NAV2: variants seen among roughly 807,000 people sequenced by gnomAD.
NAV2 encodes the protein helicase, APC down-regulated 1.
A neutral mutation model predicts 223.2 loss-of-function variants in NAV2; 54 were observed. The observed-to-expected ratio is 0.24, with a 90% confidence interval of 0.19 to 0.30. The LOEUF (loss-of-function observed/expected upper bound fraction) is 0.30. NAV2 is among the 10% of genes least tolerant of loss of function. NAV2 has a pLI of 1.00. For synonymous variants in NAV2, 1,279 were observed against 1,239.3 expected (o/e 1.03, Z -0.67); for missense variants, 2,806 against 3,147.5 (o/e 0.89, Z 2.60).
At chr11:19,385,720 GTTTA>G (rs1849007675) in intron 1 of NAV2, among the ~76,000 whole-genome samples, 1 of 130,392 alleles carries the variant, frequency 7.7e-6, no homozygotes, top group African/African-American at 3.2e-5. Context: ...TCTGTAAACT[GTTTA>G]TTTCTCAACT....
chr11:19,740,698 T>C (rs2052725900), intron 1 of NAV2, among the ~76,000 whole-genome samples: 1 of 152,206 alleles, frequency 6.6e-6, no homozygotes, highest in Admixed American at 6.5e-5. Context: ...GGTAGCCCAG[T>C]CAGCAATAAT....
chr11:19,694,190 C>G (rs962895195), intron 1 of NAV2, among the ~76,000 whole-genome samples: 3 of 152,168 alleles, frequency 2.0e-5, no homozygotes, highest in Admixed American at 2.0e-4. Flanking sequence ...AGGACAGGGA[C>G]AGGGATACAG....
At chr11:19,701,798 C>T (rs773234041) in intron 1 of NAV2, among the ~76,000 whole-genome samples, 12 of 152,198 alleles carry the variant, frequency 7.9e-5, no homozygotes, top group Non-Finnish European at 1.3e-4. Context: ...TTTTTCCACC[C>T]GTGAAGCTCT....
intron 1 of NAV2, among the ~76,000 whole-genome samples, chr11:19,534,427 G>A (rs2044124294): frequency 6.6e-6 from 1 of 152,190 alleles, no homozygotes; most frequent in South Asian, 2.1e-4. Flanking sequence ...TCTGTGCTAG[G>A]AGCTGAGTTG....
At chr11:19,861,484 T>A in intron 3 of NAV2, among the ~76,000 whole-genome samples, 1 of 152,190 alleles carries the variant, frequency 6.6e-6, no homozygotes, top group East Asian at 1.9e-4. Flanking sequence ...AAACTACCGG[T>A]TGTTGGGCAC....
chr11:20,109,237 C>G (rs1343920893), intron 36 of NAV2, among the ~76,000 whole-genome samples: 8 of 152,220 alleles, frequency 5.3e-5, no homozygotes, highest in Non-Finnish European at 8.8e-5. Context: ...TTTCACTAAA[C>G]TGGAGCATAC....
intron 6 of NAV2, among the ~76,000 whole-genome samples, chr11:19,930,171 A>C (rs1427743424): frequency 6.7e-6 from 1 of 149,890 alleles, no homozygotes; most frequent in Admixed American, 6.6e-5. Context: ...GTGAAGCACA[A>C]CAGTAGGGGA....
At chr11:19,963,876 G>C (rs17613275) in intron 10 of NAV2, among the ~76,000 whole-genome samples, 1 of 152,118 alleles carries the variant, frequency 6.6e-6, no homozygotes, top group African/African-American at 2.4e-5. Flanking sequence ...GTGATTTACC[G>C]AAGCGCCTTA....
At chr11:19,811,306 G>T (rs934215034) in intron 1 of NAV2, among the ~76,000 whole-genome samples, 4 of 152,132 alleles carry the variant, frequency 2.6e-5, no homozygotes, top group African/African-American at 9.7e-5. Context: ...GGCCAAGGAG[G>T]AGGTCAGAGG....
At chr11:20,069,154 G>C (rs1025897179) in intron 22 of NAV2, among the ~76,000 whole-genome samples, 1 of 152,100 alleles carries the variant, frequency 6.6e-6, no homozygotes, top group African/African-American at 2.4e-5. Flanking sequence ...GGACTTCCTG[G>C]AGGAGGTGAC....
At chr11:19,948,192 T>C (rs1283692887) in intron 9 of NAV2, among the ~76,000 whole-genome samples, 1 of 152,120 alleles carries the variant, frequency 6.6e-6, no homozygotes, top group African/African-American at 2.4e-5. Context: ...TTCAAGCGAT[T>C]CTCCTGCCTC....
intron 1 of NAV2, among the ~76,000 whole-genome samples, chr11:19,579,106 G>A (rs945859313): frequency 3.9e-5 from 6 of 152,186 alleles, no homozygotes; most frequent in Admixed American, 1.3e-4. Flanking sequence ...GTACGTAGGT[G>A]GGTAAGCTCA....
intron 1 of NAV2, among the ~76,000 whole-genome samples, chr11:19,772,610 C>T (rs2055803967): frequency 6.6e-6 from 1 of 152,218 alleles, no homozygotes; most frequent in African/African-American, 2.4e-5. Flanking sequence ...TGGGCTCCCT[C>T]TGACAAGCTA....
intron 1 of NAV2, among the ~76,000 whole-genome samples, chr11:19,774,601 G>T (rs1168919314): frequency 6.6e-6 from 1 of 152,098 alleles, no homozygotes; most frequent in Non-Finnish European, 1.5e-5. Context: ...GCATGGTAGG[G>T]ACACACACAT....
chr11:19,681,760 T>C (rs1040489097), intron 1 of NAV2, among the ~76,000 whole-genome samples: 32 of 152,290 alleles, frequency 2.1e-4, no homozygotes, highest in African/African-American at 7.5e-4. Flanking sequence ...CAATGCATAG[T>C]AAGCATGTCC....
At chr11:19,877,109 C>A (rs2062887465) in intron 4 of NAV2, among the ~76,000 whole-genome samples, 1 of 151,978 alleles carries the variant, frequency 6.6e-6, no homozygotes, top group East Asian at 1.9e-4. Flanking sequence ...AACCTAGATT[C>A]AAATCCCAGC....
At chr11:19,849,542 A>G (rs1215518670) in intron 3 of NAV2, among the ~76,000 whole-genome samples, 2 of 152,204 alleles carry the variant, frequency 1.3e-5, no homozygotes, top group Admixed American at 6.5e-5. Context: ...CTCCTGGGCC[A>G]GGAAAAGGCC....
intron 1 of NAV2, chr11:19,351,087 A>T: frequency 6.2e-6 from 9 of 1,458,924 alleles, no homozygotes; most frequent in Non-Finnish European, 8.5e-6. Flanking sequence ...AGTGTGATTC[A>T]GAGAGCATAG....
intron 1 of NAV2, among the ~76,000 whole-genome samples, chr11:19,800,625 C>T (rs1289651931): frequency 6.6e-6 from 1 of 151,064 alleles, no homozygotes; most frequent in African/African-American, 2.4e-5. Context: ...AACTTGATAG[C>T]TTGGCGATTA....
Sources: gnomAD v4.1 joint callset for allele counts (sites outside exome capture counted in the v4.1 genomes callset) on GRCh38, gnomAD v4.1.1 for gene constraint, MANE v1.5 for transcripts, NCBI Gene and HGNC (gene_info 2026-07-23, HGNC 2026-07-21) for gene names.